Variants in ACTR3C observed in about 807,000 individuals in gnomAD.
ACTR3C encodes actin related protein 3C.
ACTR3C carries 18 observed loss-of-function variants against 26.3 expected under a neutral mutation model. That is an observed-to-expected ratio of 0.68 (90% CI 0.47 to 1.01). The LOEUF (loss-of-function observed/expected upper bound fraction) is 1.01. Among genes scored for constraint, ACTR3C ranks in the 50% least tolerant of loss-of-function variants. The pLI is 0.00. For missense variants in ACTR3C, 184 were observed against 250.7 expected (o/e 0.73, Z 1.80); for synonymous variants, 55 against 94.5 (o/e 0.58, Z 2.42).
chr7:150,220,016 G>T, the ACTR3C span, among the ~76,000 whole-genome samples: 2 of 146,890 alleles, frequency 1.4e-5, no homozygotes, highest in African/African-American at 5.5e-5. Flanking sequence ...GCGGATGCAC[G>T]GGCAGAGCCC....
the ACTR3C span, among the ~76,000 whole-genome samples, chr7:150,077,958 T>C: frequency 5.9e-5 from 9 of 152,308 alleles, no homozygotes; most frequent in African/African-American, 2.2e-4. Context: ...GGACGTGCAA[T>C]TCAGCTGCAA....
At chr7:150,037,920 GA>G in the ACTR3C span, among the ~76,000 whole-genome samples, 5 of 136,898 alleles carry the variant, frequency 3.7e-5, no homozygotes, top group African/African-American at 5.5e-5. Context: ...CCCGCGTCGC[GA>G]GGGGTGCCTC....
the ACTR3C span, among the ~76,000 whole-genome samples, chr7:150,111,478 GCA>G: frequency 2.2e-5 from 2 of 89,504 alleles, no homozygotes; most frequent in Non-Finnish European, 4.3e-5. Context: ...TCACACACTT[GCA>G]CACTCACTCA....
the ACTR3C span, among the ~76,000 whole-genome samples, chr7:150,171,281 T>C: frequency 6.0e-5 from 9 of 149,166 alleles, no homozygotes; most frequent in Non-Finnish European, 1.3e-4. Context: ...GATATGACTG[T>C]AATGAAAATA....
chr7:149,940,543 G>T, the ACTR3C span, among the ~76,000 whole-genome samples: 1 of 152,100 alleles, frequency 6.6e-6, no homozygotes, highest in East Asian at 1.9e-4. Flanking sequence ...GGTCAGGGCT[G>T]CCCCTATAGT....
chr7:150,303,445 C>A (rs1795586698), intron 1 of ACTR3C, among the ~76,000 whole-genome samples: 1 of 152,192 alleles, frequency 6.6e-6, no homozygotes, highest in Admixed American at 6.5e-5. Context: ...AAAGCCTTAA[C>A]TTTTTTAAAC....
At chr7:150,131,912 T>G in the ACTR3C span, among the ~76,000 whole-genome samples, 1 of 152,244 alleles carries the variant, frequency 6.6e-6, no homozygotes, top group African/African-American at 2.4e-5. Context: ...ACTACATGAA[T>G]GAACCTTGAA....
At chr7:150,256,521 C>T (rs1333945754) in intron 6 of ACTR3C, among the ~76,000 whole-genome samples, 5 of 152,166 alleles carry the variant, frequency 3.3e-5, no homozygotes, top group Non-Finnish European at 7.3e-5. Context: ...AACCAAATAC[C>T]GTTTATTGTC....
the ACTR3C span, among the ~76,000 whole-genome samples, chr7:149,908,804 G>T: frequency 1.4e-5 from 2 of 148,120 alleles, no homozygotes; most frequent in African/African-American, 2.5e-5. Flanking sequence ...TTTTTGAGAC[G>T]GAGTTTCACT....
chr7:150,033,207 GT>G, the ACTR3C span, among the ~76,000 whole-genome samples: 1 of 151,546 alleles, frequency 6.6e-6, no homozygotes, highest in African/African-American at 2.4e-5. Flanking sequence ...AACTCGGTGG[GT>G]TTTCCCCACT....
chr7:150,076,090 G>A, the ACTR3C span, among the ~76,000 whole-genome samples: 1 of 151,836 alleles, frequency 6.6e-6, no homozygotes, highest in Non-Finnish European at 1.5e-5. Flanking sequence ...CCAATTCAAC[G>A]TGCTCCCTGA....
intron 1 of ACTR3C, among the ~76,000 whole-genome samples, chr7:150,298,827 A>G (rs1020450123): frequency 7.3e-5 from 11 of 150,990 alleles, no homozygotes; most frequent in African/African-American, 2.7e-4. Context: ...CTAAATACCC[A>G]TCACTAAACA....
chr7:149,996,251 A>G, the ACTR3C span, among the ~76,000 whole-genome samples: 28 of 151,798 alleles, frequency 1.8e-4, no homozygotes, highest in African/African-American at 6.7e-4. Context: ...GGAGGAGAGG[A>G]AGGGGTAGGC....
At chr7:150,191,809 T>A in the ACTR3C span, among the ~76,000 whole-genome samples, 1 of 152,206 alleles carries the variant, frequency 6.6e-6, no homozygotes, top group Non-Finnish European at 1.5e-5. Flanking sequence ...GGAGTGGATC[T>A]TTTGGATTAA....
At chr7:150,225,552 C>G in the ACTR3C span, among the ~76,000 whole-genome samples, 12 of 152,308 alleles carry the variant, frequency 7.9e-5, no homozygotes, top group Admixed American at 1.3e-4. Context: ...CAGTGGGAAA[C>G]AGTGTTATTA....
At chr7:150,119,547 A>G in the ACTR3C span, among the ~76,000 whole-genome samples, 1 of 152,218 alleles carries the variant, frequency 6.6e-6, no homozygotes, top group Non-Finnish European at 1.5e-5. Context: ...TCCTAAATAT[A>G]TATGCACCCA....
At chr7:149,966,414 T>G in the ACTR3C span, among the ~76,000 whole-genome samples, 1 of 152,204 alleles carries the variant, frequency 6.6e-6, no homozygotes, top group Admixed American at 6.5e-5. Flanking sequence ...ACACTTTCCC[T>G]CATGGCATCC....
At chr7:149,883,411 G>C in the ACTR3C span, among the ~76,000 whole-genome samples, 48 of 152,276 alleles carry the variant, frequency 3.2e-4, no homozygotes, top group African/African-American at 1.1e-3. Context: ...GGACCTACAC[G>C]ATGCAAAAAA....
chr7:150,066,734 G>A, the ACTR3C span, among the ~76,000 whole-genome samples: 3 of 152,166 alleles, frequency 2.0e-5, no homozygotes, highest in East Asian at 1.9e-4. Flanking sequence ...CTATAAACAC[G>A]CGCTGTGTGA....
Sources: allele counts gnomAD v4.1 joint callset (sites outside exome capture counted in the v4.1 genomes callset), GRCh38; gene constraint gnomAD v4.1.1; transcripts MANE v1.5; gene names NCBI Gene and HGNC (gene_info 2026-07-23, HGNC 2026-07-21).